Variants in SLC9A7 observed in about 807,000 individuals in gnomAD.
SLC9A7 encodes the protein solute carrier family 9 member A7.
A neutral mutation model predicts 52.6 loss-of-function variants in SLC9A7; 19 were observed. That is an observed-to-expected ratio of 0.36 (90% CI 0.25 to 0.53). The LOEUF (loss-of-function observed/expected upper bound fraction) is 0.53. Ranked by LOEUF, SLC9A7 falls within the 20% of genes least tolerant of loss-of-function variation. The pLI is 0.91. For synonymous variants in SLC9A7, 226 were observed against 252.1 expected (o/e 0.90, Z 0.98); for missense variants, 455 against 597.9 (o/e 0.76, Z 2.49).
intron 14 of SLC9A7, among the ~76,000 whole-genome samples, chrX:46,622,835 A>G (rs999007196): frequency 8.9e-5 from 10 of 112,291 alleles, no homozygotes; most frequent in Non-Finnish European, 1.7e-4. Context: ...CAAACTAACA[A>G]AAGGTCTTCT....
chrX:46,673,538 T>A (rs1050472996), intron 3 of SLC9A7, among the ~76,000 whole-genome samples: 2 of 111,672 alleles, frequency 1.8e-5, no homozygotes, highest in Non-Finnish European at 3.8e-5. Flanking sequence ...CATTTGACAA[T>A]CAGAACTATT....
chrX:46,690,563 T>G (rs750007147), intron 1 of SLC9A7, among the ~76,000 whole-genome samples: 11 of 112,202 alleles, frequency 9.8e-5, no homozygotes, highest in Non-Finnish European at 1.9e-4. Context: ...TAGCTTGTCT[T>G]TCCAGCCTCT....
At chrX:46,721,171 A>G (rs1944854070) in intron 1 of SLC9A7, among the ~76,000 whole-genome samples, 1 of 112,275 alleles carries the variant, frequency 8.9e-6, no homozygotes, top group African/African-American at 3.2e-5. Flanking sequence ...AATTCCAGGG[A>G]ATAATTCTTA....
At chrX:46,647,466 A>G (rs1943512342) in intron 11 of SLC9A7, 1 of 116,533 alleles carries the variant, frequency 8.6e-6, no homozygotes, top group Admixed American at 9.2e-5. Context: ...CTGAAATTCC[A>G]TTCTTCCAAG....
intron 4 of SLC9A7, among the ~76,000 whole-genome samples, chrX:46,670,551 G>T (rs778132395): frequency 9.0e-6 from 1 of 111,150 alleles, no homozygotes; most frequent in East Asian, 2.8e-4. Flanking sequence ...AGCAGCAGCT[G>T]CAGGGGTTAG....
chrX:46,708,907 A>G (rs755840516), intron 1 of SLC9A7, among the ~76,000 whole-genome samples: 195 of 111,945 alleles, frequency 1.7e-3, no homozygotes, highest in African/African-American at 5.9e-3. Flanking sequence ...CTCTGGGAAC[A>G]TAAGAGTCAA....
At chrX:46,711,899 T>TACACACACAC (rs57570264) in intron 1 of SLC9A7, among the ~76,000 whole-genome samples, 3,964 of 91,049 alleles carry the variant, frequency 0.044, 154 homozygotes, top group African/African-American at 0.1. Context: ...GCCTCTAAAT[T>TACACACACAC]ACACACACAC....
chrX:46,723,555 C>T (rs1208344888), intron 1 of SLC9A7, among the ~76,000 whole-genome samples: 1 of 110,629 alleles, frequency 9.0e-6, no homozygotes, highest in Non-Finnish European at 1.9e-5. Flanking sequence ...ATACACCTTC[C>T]GACCTCAAGA....
At chrX:46,709,814 C>T (rs1468113797) in intron 1 of SLC9A7, among the ~76,000 whole-genome samples, 2 of 111,994 alleles carry the variant, frequency 1.8e-5, no homozygotes, top group African/African-American at 6.5e-5. Flanking sequence ...CAAGGTTCTC[C>T]GGGGAACCAT....
chrX:46,648,639 T>G (rs1440586859), intron 11 of SLC9A7, 47 bp downstream of exon 11: 1 of 934,144 alleles, frequency 1.1e-6, no homozygotes, highest in Non-Finnish European at 1.5e-6. Flanking sequence ...CATATTCTTG[T>G]TACCTGCTGA....
chrX:46,683,519 A>G (rs1389650054), intron 1 of SLC9A7, among the ~76,000 whole-genome samples: 1 of 111,264 alleles, frequency 9.0e-6, no homozygotes, highest in African/African-American at 3.3e-5. Flanking sequence ...TGAGATGGCT[A>G]AGATCATCAG....
chrX:46,624,333 C>T (rs1465416535), intron 14 of SLC9A7, among the ~76,000 whole-genome samples: 1 of 112,002 alleles, frequency 8.9e-6, no homozygotes, highest in African/African-American at 3.3e-5. Flanking sequence ...AGTCCTTAAC[C>T]TGTGGGATCT....
intron 11 of SLC9A7, among the ~76,000 whole-genome samples, chrX:46,648,179 T>C (rs965869980): frequency 8.9e-6 from 1 of 112,332 alleles, no homozygotes; most frequent in Admixed American, 9.4e-5. Flanking sequence ...TGGGTCCCTC[T>C]TGCTTACATG....
At chrX:46,616,549 T>C (rs1400756585) in intron 15 of SLC9A7, among the ~76,000 whole-genome samples, 1 of 111,740 alleles carries the variant, frequency 8.9e-6, no homozygotes, top group Non-Finnish European at 1.9e-5. Context: ...TTTTTGACTT[T>C]GTTCACTTCT....
intron 5 of SLC9A7, among the ~76,000 whole-genome samples, chrX:46,669,061 A>G (rs1035924857): frequency 7.4e-5 from 8 of 108,212 alleles, no homozygotes; most frequent in Middle Eastern, 4.7e-3. Context: ...CCAGCTACTC[A>G]GGACGCTGAG....
At chrX:46,730,694 ATATATATATATATAT>A (rs1945022769) in intron 1 of SLC9A7, among the ~76,000 whole-genome samples, 7 of 75,667 alleles carry the variant, frequency 9.3e-5, no homozygotes, top group South Asian at 6.5e-4. Context: ...ATATATATAT[ATATATATATATATAT>A]AAAATGGATG....
chrX:46,729,767 C>T (rs1944999402), intron 1 of SLC9A7, among the ~76,000 whole-genome samples: 1 of 109,538 alleles, frequency 9.1e-6, no homozygotes, highest in Non-Finnish European at 1.9e-5. Flanking sequence ...AGCGAGACTC[C>T]ATCAAAAAAA....
chrX:46,675,984 G>A (rs1237474700), intron 3 of SLC9A7, among the ~76,000 whole-genome samples: 1 of 112,105 alleles, frequency 8.9e-6, no homozygotes, highest in Non-Finnish European at 1.9e-5. Flanking sequence ...TGGTGTCCCG[G>A]GAGGGCATGG....
intron 5 of SLC9A7, among the ~76,000 whole-genome samples, chrX:46,666,590 C>T (rs1943925591): frequency 8.9e-6 from 1 of 112,198 alleles, no homozygotes; most frequent in African/African-American, 3.2e-5. Flanking sequence ...CTATAAAGCC[C>T]TTACTGTGCC....
Sources: gnomAD v4.1 joint callset for allele counts (sites outside exome capture counted in the v4.1 genomes callset) on GRCh38, gnomAD v4.1.1 for gene constraint, MANE v1.5 for transcripts, NCBI Gene and HGNC (gene_info 2026-07-23, HGNC 2026-07-21) for gene names.